NIPAL3: variants seen among roughly 807,000 people sequenced by gnomAD.
The protein encoded by NIPAL3 is NIPA-like protein 3.
A neutral mutation model predicts 47.2 loss-of-function variants in NIPAL3; 41 were observed. That is an observed-to-expected ratio of 0.87 (90% CI 0.68 to 1.13). The LOEUF is 1.13. Among genes scored for constraint, NIPAL3 ranks in the 50% most tolerant of loss-of-function variants. The pLI is 0.00. For synonymous variants in NIPAL3, 194 were observed against 209.6 expected, an observed-to-expected ratio of 0.93 and a Z score of 0.64; for missense variants, 449 against 530.1, an observed-to-expected ratio of 0.85 and a Z score of 1.50.
Position 24,428,257 on chromosome 1 carries a change from A to AG in NIPAL3, c.93+8617_93+8618insG, listed in dbSNP as rs1557491294. ...CAGAGCGAGACCCTGTCTCAAAAAG[A>AG]AAGAGAGAGAGAGAGAGAGAGAGAG... On this transcript the variant is annotated intron_variant, in intron 2 of 11. Coordinates refer to ENST00000374399, the MANE Select transcript of NIPAL3 (RefSeq NM_020448.5). Among the ~76,000 whole-genome samples the AG allele has an allele frequency of 7.1e-4, 82 of 115,034 alleles. No homozygotes were observed. The East Asian group carries it at 7.4e-3, about 10-fold the overall frequency. The allele number at this position is 115,034 out of a possible 152,430, so 75.5% of individuals were successfully genotyped here.
At chr1:24,466,919 A>G (rs1379986120) in intron 11 of NIPAL3, among the ~76,000 whole-genome samples, 2 of 152,190 alleles carry the variant, frequency 1.3e-5, no homozygotes, top group Admixed American at 6.5e-5. Context: ...ATAGGGAGCC[A>G]AAGGGCCTTT....
chr1:24,427,179 G>A (rs557939367), intron 2 of NIPAL3, among the ~76,000 whole-genome samples: 13 of 152,138 alleles, frequency 8.5e-5, no homozygotes, highest in African/African-American at 2.4e-4. Context: ...CTGGGCACCC[G>A]CATTTATGGT....
chr1:24,460,353 G>C, intron 9 of NIPAL3, 128 bp from the exon 10 acceptor site: 1 of 725,512 alleles, frequency 1.4e-6, no homozygotes. Flanking sequence ...CTTCTTGTAA[G>C]GCACAGTCAT....
intron 10 of NIPAL3, among the ~76,000 whole-genome samples, chr1:24,460,893 TGAG>T (rs1646438773): frequency 6.6e-6 from 1 of 152,158 alleles, no homozygotes; most frequent in Admixed American, 6.5e-5. Flanking sequence ...GGCAAGAAGA[TGAG>T]GAGGCCCGCC....
chr1:24,456,143 A>C lies in NIPAL3; in HGVS notation c.643A>C (p.Met215Leu). The C allele has an allele frequency of 6.2e-7, 1 of 1,614,140 alleles. No individual in the cohort carries two copies. Among genetic ancestry groups the C allele is most frequent in the African/African-American group, 1.3e-5 (1 of 75,016 alleles). The change falls in exon 8 of 12, where the codon ATG becomes CTG. Residue 215 changes from methionine to leucine, a missense_variant. Transcript: ENST00000374399. Reference protein sequence around the residue: ...ILLLVALLGSMTVVTVKAVAG... With the variant: ...ILLLVALLGSLTVVTVKAVAG... ...CCCTTGTCTCCCATCTGCAGGCTCC[A>C]TGACAGTGGTGACAGTCAAGGCCGT...
At chr1:24,423,571 A>G (rs1644431811) in intron 2 of NIPAL3, among the ~76,000 whole-genome samples, 1 of 152,136 alleles carries the variant, frequency 6.6e-6, no homozygotes, top group Non-Finnish European at 1.5e-5. Flanking sequence ...CAGAGCTTGC[A>G]GTGAGCCGAG....
Position 24,419,422 on chromosome 1 carries a change from A to G in NIPAL3, c.-126A>G. 7.2e-7 allele frequency: 1 copy of G among 1,383,920 alleles called. No individual in the cohort carries two copies. The highest frequency in any genetic ancestry group is 2.9e-5 in the East Asian group (1 of 34,804). The allele number at this position is 1,383,920 out of a possible 1,614,324, so 85.7% of individuals were successfully genotyped here. On this transcript the variant is annotated 5_prime_UTR_variant, in exon 2 of 12. It removes an upstream start codon present in the reference 5' UTR. Coordinates refer to ENST00000374399, the MANE Select transcript of NIPAL3 (RefSeq NM_020448.5). ...AACAGCCTTGAAGTATTCTTTTGTC[A>G]TGAGGAAGTGACGGCTGCTGGAGGG...
At chr1:24,431,787 G>A (rs1390157658) in intron 2 of NIPAL3, among the ~76,000 whole-genome samples, 2 of 151,922 alleles carry the variant, frequency 1.3e-5, no homozygotes, top group East Asian at 1.9e-4. Flanking sequence ...TTCCTCAAAA[G>A]TACTTGCTGG....
rs746315740 is a variant in NIPAL3, at chr1:24,449,003, G to A, written c.395-478G>A. Among the ~76,000 whole-genome samples the A allele has an allele frequency of 1.3e-5, 2 of 152,306 alleles. No individual in the cohort carries two copies. The highest frequency in any genetic ancestry group is 3.9e-4 in the East Asian group (2 of 5,186). ...ATGAACTGCCACTGTGCCCCACAAC[G>A]CAGACGAATCTCAGAAACATCATGC... On this transcript the variant is annotated intron_variant, in intron 5 of 11. Transcript: ENST00000374399. This position sits in a 1 kb window ranked among gnomAD's most constrained non-coding sequence, Gnocchi z 4.5.
rs77348893 is a variant in NIPAL3, at chr1:24,425,544, A to G, written c.93+5904A>G. Among the ~76,000 whole-genome samples the G allele has an allele frequency of 2.2e-4, 33 of 152,296 alleles. 1 individual carries two copies. The East Asian group carries it at 6.4e-3, about 29-fold the overall frequency. ...CAGAATTCGACACAAAAATAGAGAT[A>G]CAACAGAGTGTTAAGAGCATGACCT... is the stretch of plus-strand genomic sequence containing the variant. On this transcript the variant is annotated intron_variant, in intron 2 of 11. Transcript: ENST00000374399.
chr1:24,427,839 A>G (rs1370731641), intron 2 of NIPAL3, among the ~76,000 whole-genome samples: 1 of 152,222 alleles, frequency 6.6e-6, no homozygotes, highest in African/African-American at 2.4e-5. Context: ...AGAAAGCCTC[A>G]GAAGCAAAAG....
rs1644218283 is a variant in NIPAL3 at position 24,419,536 on chromosome 1, C to A, written c.-12C>A. 2 of 1,609,224 alleles carry A rather than the reference C, an allele frequency of 1.2e-6. No individual in the cohort carries two copies. The highest frequency in any genetic ancestry group is 3.4e-5 in the Admixed American group (2 of 59,470). On this transcript the variant is annotated 5_prime_UTR_variant, in exon 2 of 12. Transcript: ENST00000374399. Reference sequence around the variant, plus strand: ...CTAGGCCAGGCCCTGTGGGATGCGCCACTAGACCACCATGGACGGATCCCA... The same window carrying A: ...CTAGGCCAGGCCCTGTGGGATGCGCAACTAGACCACCATGGACGGATCCCA...
intron 2 of NIPAL3, among the ~76,000 whole-genome samples, chr1:24,437,840 C>T (rs1183266389): frequency 6.6e-6 from 1 of 151,910 alleles, no homozygotes; most frequent in Non-Finnish European, 1.5e-5. Flanking sequence ...GGGGAGGGGG[C>T]GGAGGAGAGT....
At chr1:24,462,966 A>G (rs1646539859) in intron 10 of NIPAL3, among the ~76,000 whole-genome samples, 1 of 152,174 alleles carries the variant, frequency 6.6e-6, no homozygotes, top group African/African-American at 2.4e-5. Flanking sequence ...TACAAAATAC[A>G]AAAATACTAA....
chr1:24,423,708 G>A (rs1360509661), intron 2 of NIPAL3, among the ~76,000 whole-genome samples: 1 of 152,208 alleles, frequency 6.6e-6, no homozygotes, highest in Non-Finnish European at 1.5e-5. Flanking sequence ...TAGAAGCAGA[G>A]GGCATGTGGG....
At chr1:24,460,141 C>T (rs531447352) in intron 9 of NIPAL3, among the ~76,000 whole-genome samples, 3 of 152,272 alleles carry the variant, frequency 2.0e-5, no homozygotes, top group African/African-American at 4.8e-5. Flanking sequence ...TGTTCATTGT[C>T]GTTTTCCTGC....
intron 10 of NIPAL3, 88 bp downstream of exon 10, chr1:24,460,632 GC>G: frequency 1.8e-6 from 2 of 1,099,222 alleles, no homozygotes; most frequent in Non-Finnish European, 2.5e-6. Flanking sequence ...TGCTACAGCC[GC>G]CCCATCCTTT....
chr1:24,448,511 G>A (rs942235746), intron 5 of NIPAL3, among the ~76,000 whole-genome samples: 10 of 152,262 alleles, frequency 6.6e-5, no homozygotes, highest in African/African-American at 9.6e-5. Context: ...TAAAAGGTAC[G>A]TGTTGAGCTC....
At chr1:24,426,590 G>A (rs1194582681) in intron 2 of NIPAL3, among the ~76,000 whole-genome samples, 1 of 152,132 alleles carries the variant, frequency 6.6e-6, no homozygotes, top group Non-Finnish European at 1.5e-5. Flanking sequence ...TAAGGCTCCT[G>A]GTAGTTGGGA....
Sources: allele counts gnomAD v4.1 joint callset (sites outside exome capture counted in the v4.1 genomes callset), GRCh38; gene constraint gnomAD v4.1.1; non-coding constraint Gnocchi (gnomAD v3.1); transcripts MANE v1.5; gene names NCBI Gene and HGNC (gene_info 2026-07-23, HGNC 2026-07-21).